The following PCDH15 variants were observed in gnomAD, a reference collection of about 807,000 sequenced individuals.
The protein encoded by PCDH15 is protocadherin-15.
In PCDH15, 129 loss-of-function variants were observed where a neutral mutation model predicts 178.5. That is an observed-to-expected ratio of 0.72 (90% CI 0.63 to 0.84). The LOEUF is 0.84. PCDH15 is among the 40% of genes least tolerant of loss of function. The probability of loss-of-function intolerance (pLI) is 0.00; values close to 1 mark genes in which losing one functional copy is unlikely to be tolerated. For synonymous variants in PCDH15, 800 were observed against 732.0 expected (o/e 1.09, Z -1.50); for missense variants, 2,230 against 2,099.9 (o/e 1.06, Z -1.21).
intron 3 of PCDH15, among the ~76,000 whole-genome samples, chr10:54,879,332 C>A (rs1026078911): frequency 6.6e-6 from 1 of 151,994 alleles, no homozygotes; most frequent in African/African-American, 2.4e-5. Context: ...ATGCTCTAGG[C>A]ATTTTACTTG....
Position 55,014,217 on chromosome 10 carries a change from A to C in PCDH15, c.-79-116717T>G, listed in dbSNP as rs148025315. On this transcript the variant is annotated intron_variant, in intron 2 of 5. Coordinates refer to the PCDH15 transcript ENST00000458638. ...ACCTTGAAATTTTTTTTTTATAATT[A>C]CAAAGTGGAACTTTAATAGCAATAA... is the stretch of plus-strand genomic sequence containing the variant. Among the ~76,000 whole-genome samples, 57 of 152,220 alleles carry C rather than the reference A, an allele frequency of 3.7e-4. 1 individual carries two copies. In the East Asian group the frequency reaches 0.01, roughly 28 times the overall value.
Position 54,527,797 on chromosome 10 carries a change from A to G in PCDH15, c.157+15T>C, listed in dbSNP as rs2083496913. ...CTCTTAGATAAGACATTTGTAAAAT[A>G]AAAAACTCACTTACCATTCCGACTT... On this transcript the variant is annotated intron_variant, in intron 3 of 37. Coordinates refer to ENST00000644397, the MANE Select transcript of PCDH15 (RefSeq NM_001384140.1). The G allele has an allele frequency of 6.3e-7, 1 of 1,588,986 alleles. No individual in the cohort carries two copies. Among genetic ancestry groups the G allele is most frequent in the African/African-American group, 1.3e-5 (1 of 74,162 alleles).
In PCDH15 at chr10:53,806,536, A is replaced by C; in HGVS notation, c.*43T>G. 1 of 1,431,870 alleles carries C rather than the reference A, an allele frequency of 7.0e-7. No individual in the cohort carries two copies. The highest frequency in any genetic ancestry group is 9.4e-7 in the Non-Finnish European group (1 of 1,058,670). 88.7% of individuals were successfully genotyped at this position (1,431,870 alleles called of 1,614,324 possible). A position where few individuals can be genotyped will look rare whatever the true frequency, so the allele number is the denominator to read the frequency against. Reference sequence around the variant, plus strand: ...GACAATAAAAAGCACAGTTTATTAAAAATGTAAGTAAAAATTAATTAAAAT... The same window carrying C: ...GACAATAAAAAGCACAGTTTATTAACAATGTAAGTAAAAATTAATTAAAAT... On this transcript the variant is annotated 3_prime_UTR_variant, in exon 38 of 38. Transcript: ENST00000644397.
At chr10:54,756,292 T>C (rs556492402) in intron 1 of PCDH15, among the ~76,000 whole-genome samples, 17 of 151,714 alleles carry the variant, frequency 1.1e-4, no homozygotes, top group Non-Finnish European at 1.9e-4. Context: ...AAATAGTAAA[T>C]ACCATGAGTG....
intron 3 of PCDH15, among the ~76,000 whole-genome samples, chr10:54,421,929 C>CTATATATATACACTA (rs1955552277): frequency 2.8e-5 from 3 of 105,732 alleles, no homozygotes; most frequent in African/African-American, 4.2e-5. Context: ...TATATATACA[C>CTATATATATACACTA]TATATATATA....
At chr10:55,196,787 C>A (rs2132153299) in intron 1 of PCDH15, among the ~76,000 whole-genome samples, 1 of 152,004 alleles carries the variant, frequency 6.6e-6, no homozygotes, top group Non-Finnish European at 1.5e-5. Context: ...TTCCAAAACA[C>A]ATTTTTTTCA....
rs1211231063 is a variant in PCDH15 at position 53,940,929 on chromosome 10, C to T, written c.3169G>A (p.Val1057Ile). The T allele has an allele frequency of 2.5e-6, 4 of 1,613,586 alleles. No individual in the cohort carries two copies. The highest frequency in any genetic ancestry group is 1.3e-5 in the African/African-American group (1 of 74,898). ...ELATKGTMVG[V>I]ISAAAINQSI... The stretch of plus-strand genomic sequence containing the variant: ...TGATTAATGGCAGCAGCAGAAATTA[C>T]ACCAACCATGGTCCCTTTGGTGGCA... The change falls in exon 24 of 38, where the codon GTA becomes ATA. Residue 1057 changes from valine to isoleucine, a missense_variant. Transcript: ENST00000644397.
rs547092482 is a variant in PCDH15, at chr10:55,217,528, G to A, written c.-155-50877C>T. 1.1e-4 allele frequency among the ~76,000 whole-genome samples: 16 copies of A among 151,910 alleles called. No homozygotes were observed. In the South Asian group the frequency reaches 3.1e-3, roughly 29 times the overall value. On this transcript the variant is annotated intron_variant, in intron 1 of 5. Coordinates refer to the PCDH15 transcript ENST00000458638. ...TCGCAAATGATACACATGAAATAGA[G>A]CTCAAGGATCTGACATGCTCACAAT...
In PCDH15 at chr10:53,811,719, A is replaced by T. The variant is rs1024385738; in HGVS notation, c.4492-100T>A. On this transcript the variant is annotated intron_variant, in intron 35 of 37. Coordinates refer to ENST00000644397, the MANE Select transcript of PCDH15 (RefSeq NM_001384140.1). ...CCTAGAATTCCATGATTCTCAAAAC[A>T]TTCCTGCCAAAATAACTTTAAATAC... 69 of 629,386 alleles carry T rather than the reference A, an allele frequency of 1.1e-4. No individual in the cohort carries two copies. In the African/African-American group the frequency reaches 1.2e-3, roughly 11 times the overall value. The allele number at this position is 629,386 out of a possible 1,614,324, so 39.0% of individuals were successfully genotyped here.
chr10:53,933,623 A>G (rs1431922886), intron 25 of PCDH15, among the ~76,000 whole-genome samples: 9 of 152,322 alleles, frequency 5.9e-5, no homozygotes, highest in African/African-American at 1.9e-4. Context: ...GAATAATGCC[A>G]CAATAAACAT....
chr10:54,832,432 A>G (rs1953240223), intron 3 of PCDH15, among the ~76,000 whole-genome samples: 1 of 152,246 alleles, frequency 6.6e-6, no homozygotes, highest in African/African-American at 2.4e-5. Context: ...TTTAAACAGC[A>G]AAATGAAAAC....
intron 15 of PCDH15, among the ~76,000 whole-genome samples, chr10:54,105,918 T>C (rs2136202592): frequency 6.6e-6 from 1 of 152,070 alleles, no homozygotes; most frequent in South Asian, 2.1e-4. Flanking sequence ...ATGTATAAAG[T>C]GTAGTATATG....
rs189091457 is a variant in PCDH15, at chr10:54,899,100, G to A, written c.-79-1600C>T. 3.9e-4 allele frequency among the ~76,000 whole-genome samples: 60 copies of A among 152,154 alleles called. No individual in the cohort carries two copies. The Middle Eastern group carries it at 0.01, about 26-fold the overall frequency. On this transcript the variant is annotated intron_variant, in intron 2 of 5. Coordinates refer to the PCDH15 transcript ENST00000458638. Reference sequence around the variant, plus strand: ...CCATTTAAAAAAAGTATTATTACACGAAAAGAAATTCAGCTGTATGAAGTT... The same window carrying A: ...CCATTTAAAAAAAGTATTATTACACAAAAAGAAATTCAGCTGTATGAAGTT...
At chr10:54,350,412 C>T (rs1943985768) in intron 5 of PCDH15, among the ~76,000 whole-genome samples, 1 of 152,132 alleles carries the variant, frequency 6.6e-6, no homozygotes, top group African/African-American at 2.4e-5. Context: ...CAAGCATGTA[C>T]AAATAGCCAT....
rs7075535 is a variant in PCDH15, at chr10:55,165,744, T to C, written c.-80+832A>G. Among the ~76,000 whole-genome samples the C allele has an allele frequency of 4.9e-3, 738 of 152,098 alleles. 10 individuals are homozygous for C. Among genetic ancestry groups the C allele is most frequent in the African/African-American group, 0.017 (689 of 41,546 alleles). On this transcript the variant is annotated intron_variant, in intron 2 of 5. Coordinates refer to the PCDH15 transcript ENST00000458638. ...GTCATGTGTTTATATACACATAACA[T>C]ATATGTGTATCATAAATTGCAAATT... is the stretch of plus-strand genomic sequence containing the variant.
chr10:54,358,013 T>C (rs1254237294), intron 5 of PCDH15, among the ~76,000 whole-genome samples: 1 of 151,178 alleles, frequency 6.6e-6, no homozygotes, highest in Non-Finnish European at 1.5e-5. Flanking sequence ...AAAAATTAAT[T>C]CAAGATGGAT....
chr10:54,650,140 G>A (rs1388149243), intron 2 of PCDH15, among the ~76,000 whole-genome samples: 1 of 151,992 alleles, frequency 6.6e-6, no homozygotes, highest in African/African-American at 2.4e-5. Context: ...TAACATTGGA[G>A]AACAATAAAT....
chr10:54,861,607 AG>A (rs1953844733), intron 3 of PCDH15, among the ~76,000 whole-genome samples: 1 of 152,194 alleles, frequency 6.6e-6, no homozygotes, highest in Non-Finnish European at 1.5e-5. Context: ...AATGGAGAAA[AG>A]TTTAAAGTAT....
intron 3 of PCDH15, among the ~76,000 whole-genome samples, chr10:54,384,815 T>C (rs186076709): frequency 6.6e-6 from 1 of 152,266 alleles, no homozygotes; most frequent in East Asian, 1.9e-4. Flanking sequence ...TTTGATTTTA[T>C]CTGTGTCATT....
Sources: allele counts gnomAD v4.1 joint callset (sites outside exome capture counted in the v4.1 genomes callset), GRCh38; gene constraint gnomAD v4.1.1; transcripts MANE v1.5; gene names NCBI Gene and HGNC (gene_info 2026-07-23, HGNC 2026-07-21).